Variants in CRTAP observed in about 807,000 individuals in gnomAD.
CRTAP encodes cartilage-associated protein.
In CRTAP, 33 loss-of-function variants were observed where a neutral mutation model predicts 42.7. The ratio of observed to expected loss-of-function variants is 0.77; its 90% confidence interval spans 0.59 to 1.03. The LOEUF (loss-of-function observed/expected upper bound fraction) is 1.03, where lower values mean the gene tolerates loss of function less well. CRTAP is among the 50% of genes least tolerant of loss of function. CRTAP has a pLI of 0.00. For synonymous variants in CRTAP, 243 were observed against 217.7 expected (o/e 1.12, Z -1.02); for missense variants, 613 against 533.9 (o/e 1.15, Z -1.46).
chr3:33,124,904 G>A (rs1474188634), intron 3 of CRTAP, among the ~76,000 whole-genome samples: 1 of 152,130 alleles, frequency 6.6e-6, no homozygotes, highest in African/African-American at 2.4e-5. Context: ...TCACATTACT[G>A]AGATAACTTT....
chr3:33,114,636 G>C (rs1444565462), intron 1 of CRTAP, 88 bp downstream of exon 1: 2 of 1,298,708 alleles, frequency 1.5e-6, no homozygotes, highest in Admixed American at 4.1e-5. Flanking sequence ...CCGGGGCCGC[G>C]TTGCCCCTCC....
chr3:33,127,435 A>ATT (rs2030106733), intron 3 of CRTAP, among the ~76,000 whole-genome samples: 1 of 151,308 alleles, frequency 6.6e-6, no homozygotes. Flanking sequence ...TATTATTGTT[A>ATT]TTATTTTATT....
intron 2 of CRTAP, 127 bp downstream of exon 2, chr3:33,120,620 C>T: frequency 7.2e-7 from 1 of 1,385,434 alleles, no homozygotes; most frequent in African/African-American, 1.4e-5. Context: ...AATATTATGA[C>T]AATAGAAATG....
intron 2 of CRTAP, 62 bp downstream of exon 2, chr3:33,120,555 C>T: frequency 1.3e-6 from 2 of 1,554,350 alleles, no homozygotes; most frequent in East Asian, 2.4e-5. Flanking sequence ...AATGTCTCTC[C>T]ATAAGCAGCT....
intron 1 of CRTAP, among the ~76,000 whole-genome samples, chr3:33,118,692 C>T (rs529491491): frequency 3.9e-4 from 60 of 152,382 alleles, no homozygotes; most frequent in Non-Finnish European, 4.4e-5. Context: ...GGCTGAGTCT[C>T]TGTGCACATG....
intron 5 of CRTAP, 114 bp from the exon 6 acceptor site, chr3:33,134,068 A>G: frequency 1.3e-6 from 1 of 756,672 alleles, no homozygotes; most frequent in Non-Finnish European, 2.4e-6. Flanking sequence ...ACCACTATCT[A>G]ATTTTAAACA....
intron 1 of CRTAP, 87 bp downstream of exon 1, chr3:33,114,635 C>T: frequency 1.6e-6 from 2 of 1,288,150 alleles, no homozygotes; most frequent in Non-Finnish European, 2.2e-6. Context: ...CCCGGGGCCG[C>T]GTTGCCCCTC....
At chr3:33,126,227 C>T (rs1395557684) in intron 3 of CRTAP, among the ~76,000 whole-genome samples, 1 of 152,188 alleles carries the variant, frequency 6.6e-6, no homozygotes, top group Non-Finnish European at 1.5e-5. Context: ...CAGTATTTGC[C>T]TTTTTGTGAC....
At chr3:33,141,416 A>G (rs774091728) in intron 6 of CRTAP, among the ~76,000 whole-genome samples, 12 of 152,216 alleles carry the variant, frequency 7.9e-5, no homozygotes, top group Non-Finnish European at 1.6e-4. Context: ...GGCATGACAT[A>G]GTAGAAGTAT....
intron 3 of CRTAP, among the ~76,000 whole-genome samples, chr3:33,124,858 G>GA (rs1342972192): frequency 3.9e-5 from 6 of 152,110 alleles, no homozygotes; most frequent in Non-Finnish European, 8.8e-5. Flanking sequence ...CAGTCATTTT[G>GA]AAAAATAAAA....
intron 6 of CRTAP, among the ~76,000 whole-genome samples, chr3:33,138,581 T>G (rs1188273486): frequency 6.6e-6 from 1 of 152,240 alleles, no homozygotes; most frequent in Admixed American, 6.5e-5. Flanking sequence ...TCTAAAAGAA[T>G]AGAAATACAA....
chr3:33,130,191 T>A, intron 4 of CRTAP, 124 bp downstream of exon 4: 1 of 963,710 alleles, frequency 1.0e-6, no homozygotes, highest in Non-Finnish European at 1.6e-6. Context: ...ACCCTGGTGC[T>A]ATGCTTTGCA....
intron 6 of CRTAP, 131 bp downstream of exon 6, chr3:33,134,396 G>A (rs1328297358): frequency 8.3e-6 from 6 of 720,350 alleles, no homozygotes; most frequent in African/African-American, 3.5e-5. Flanking sequence ...GACAGTTCCT[G>A]TGGGTGTTTC....
At position 33,146,556 on chromosome 3, in the gene CRTAP, T is replaced by C. The variant is rs577511323; in HGVS notation, c.*4108T>C. On this transcript the variant is annotated 3_prime_UTR_variant, in exon 7 of 7. Coordinates refer to ENST00000320954, the MANE Select transcript of CRTAP (RefSeq NM_006371.5). ...CATACCGACATATGCAACATACTAATACCTTCCTGATTTTCGAGACTTTCT... is the reference window on the plus strand; with the variant it reads ...CATACCGACATATGCAACATACTAACACCTTCCTGATTTTCGAGACTTTCT... 6.6e-6 allele frequency: 1 copy of C among 152,356 alleles called. No individual in the cohort carries two copies. The highest frequency in any genetic ancestry group is 1.9e-4 in the East Asian group (1 of 5,190). The allele number at this position is 152,356 out of a possible 1,614,324, so 9.4% of individuals were successfully genotyped here. A position where few individuals can be genotyped will look rare whatever the true frequency, so the allele number is the denominator to read the frequency against.
At chr3:33,134,555 CAG>C (rs2125604746) in intron 6 of CRTAP, among the ~76,000 whole-genome samples, 1 of 152,334 alleles carries the variant, frequency 6.6e-6, no homozygotes, top group East Asian at 1.9e-4. Context: ...TATATAAAAA[CAG>C]TGAATTTTTA....
chr3:33,114,529 T>A lies in CRTAP; in HGVS notation c.452T>A (p.Leu151Gln). The A allele has an allele frequency of 1.2e-6, 2 of 1,602,336 alleles. No homozygotes were observed. The highest frequency in any genetic ancestry group is 1.7e-6 in the Non-Finnish European group (2 of 1,176,316). The change falls in exon 1 of 7, where the codon CTG (leucine) becomes CAG (glutamine). Residue 151 changes from leucine (L) to glutamine (Q), a missense_variant. Coordinates refer to ENST00000320954, the MANE Select transcript of CRTAP (RefSeq NM_006371.5). ...DFQRREPYKF[L>Q]QFAYFKANNL... ...CAGCGCCGCGAGCCCTACAAGTTCC[T>A]GCAGTTCGCTTACTTCAAGGCAAGT...
At chr3:33,137,008 T>G (rs1316907313) in intron 6 of CRTAP, among the ~76,000 whole-genome samples, 2 of 152,198 alleles carry the variant, frequency 1.3e-5, no homozygotes, top group Non-Finnish European at 2.9e-5. Flanking sequence ...CCATTTACAT[T>G]CCCATCAGCA....
chr3:33,119,142 G>C (rs1376614543), intron 1 of CRTAP, among the ~76,000 whole-genome samples: 1 of 152,202 alleles, frequency 6.6e-6, no homozygotes, highest in African/African-American at 2.4e-5. Context: ...GTGAAACTCA[G>C]AATCATTGGC....
chr3:33,116,905 A>G (rs1272111549), intron 1 of CRTAP, among the ~76,000 whole-genome samples: 1 of 152,150 alleles, frequency 6.6e-6, no homozygotes, highest in African/African-American at 2.4e-5. Context: ...CAAGAGTTCA[A>G]GACCAGCCTG....
Sources: gnomAD v4.1 joint callset for allele counts (sites outside exome capture counted in the v4.1 genomes callset) on GRCh38, gnomAD v4.1.1 for gene constraint, MANE v1.5 for transcripts, NCBI Gene and HGNC (gene_info 2026-07-23, HGNC 2026-07-21) for gene names.